The following GOLM2 variants were observed in gnomAD, a reference collection of about 807,000 sequenced individuals.
GOLM2 encodes the protein golgi membrane protein 2, also known as protein GOLM2.
In GOLM2, 26 loss-of-function variants were observed where a neutral mutation model predicts 55.9. That is an observed-to-expected ratio of 0.47 (90% CI 0.34 to 0.65). The LOEUF is 0.65. Ranked by LOEUF, GOLM2 falls within the 30% of genes least tolerant of loss-of-function variation. The pLI, the probability that GOLM2 is intolerant of heterozygous loss-of-function variation, is 0.01. For missense variants in GOLM2, 486 were observed against 531.8 expected, an observed-to-expected ratio of 0.91 and a Z score of 0.85; for synonymous variants, 165 against 194.6, an observed-to-expected ratio of 0.85 and a Z score of 1.27.
chr15:44,318,492 T>C (rs1764344420), intron 1 of GOLM2, among the ~76,000 whole-genome samples: 1 of 152,198 alleles, frequency 6.6e-6, no homozygotes. Flanking sequence ...GTGGATCGCC[T>C]GAAGTCAGGA....
chr15:44,334,828 G>A (rs980020989), intron 4 of GOLM2, among the ~76,000 whole-genome samples: 5 of 152,062 alleles, frequency 3.3e-5, no homozygotes, highest in Admixed American at 2.0e-4. Flanking sequence ...TCAGGAGTTC[G>A]AGACCAACCT....
intron 7 of GOLM2, 84 bp from the exon 8 acceptor site, chr15:44,380,722 C>A: frequency 1.0e-6 from 1 of 983,536 alleles, no homozygotes; most frequent in Middle Eastern, 3.8e-4. Context: ...TGTGTCTTAG[C>A]TTTCTAAAGC....
intron 1 of GOLM2, among the ~76,000 whole-genome samples, chr15:44,305,826 G>C (rs1487935401): frequency 6.6e-6 from 1 of 152,162 alleles, no homozygotes; most frequent in Admixed American, 6.5e-5. Flanking sequence ...GAGATCTTGG[G>C]TGACCAGGGA....
chr15:44,339,334 A>AAATT (rs1159905140), intron 6 of GOLM2, among the ~76,000 whole-genome samples: 1 of 152,190 alleles, frequency 6.6e-6, no homozygotes, highest in South Asian at 2.1e-4. Flanking sequence ...TGATTTTTTA[A>AAATT]AATTAATTAA....
chr15:44,323,012 T>C lies in GOLM2; in HGVS notation c.375T>C (p.His125=), dbSNP rs2078961466. 6.3e-7 allele frequency: 1 copy of C among 1,576,576 alleles called. No homozygotes were observed. Among genetic ancestry groups the C allele is most frequent in the African/African-American group, 1.4e-5 (1 of 72,972 alleles). The change falls in exon 2 of 10, where the codon CAT becomes CAC. Residue 125 remains histidine, a synonymous_variant. Coordinates refer to ENST00000299957, the MANE Select transcript of GOLM2 (RefSeq NM_138423.4). The part of the protein sequence containing the change: ...NISYQMADIH[H]LKEQLAELRQ... ...CGTATCAGATGGCAGACATACATCA[T>C]TTAAAGGGTAAGAACCTTAATTCCA...
chr15:44,378,859 T>G (rs562193039), intron 6 of GOLM2, among the ~76,000 whole-genome samples: 1 of 150,856 alleles, frequency 6.6e-6, no homozygotes, highest in East Asian at 2.0e-4. Context: ...GATTCTCCTA[T>G]CTCAGCCTCC....
chr15:44,347,904 G>A (rs891875752), intron 6 of GOLM2, among the ~76,000 whole-genome samples: 3 of 152,284 alleles, frequency 2.0e-5, no homozygotes, highest in African/African-American at 7.2e-5. Context: ...GTAGAGTTGT[G>A]AGACCCCTAT....
chr15:44,341,315 T>C (rs1240152000), intron 6 of GOLM2, among the ~76,000 whole-genome samples: 1 of 151,938 alleles, frequency 6.6e-6, no homozygotes, highest in East Asian at 1.9e-4. Context: ...CTCCCAACCT[T>C]GTGATCCGCC....
At chr15:44,403,163 T>G (rs2079576952) in intron 9 of GOLM2, 109 bp downstream of exon 9, 2 of 1,321,490 alleles carry the variant, frequency 1.5e-6, no homozygotes, top group East Asian at 2.5e-5. Context: ...GTAACCTAAA[T>G]TTTTTGTTTT....
At chr15:44,400,507 G>C (rs1311634911) in intron 8 of GOLM2, among the ~76,000 whole-genome samples, 2 of 150,062 alleles carry the variant, frequency 1.3e-5, no homozygotes, top group Non-Finnish European at 3.0e-5. Context: ...AGTAGACACA[G>C]GGTTTCTCCA....
intron 4 of GOLM2, among the ~76,000 whole-genome samples, chr15:44,336,794 T>C (rs1455942386): frequency 6.6e-6 from 1 of 151,990 alleles, no homozygotes; most frequent in Non-Finnish European, 1.5e-5. Flanking sequence ...TGGGCACCTG[T>C]AGTCCCAGTT....
At chr15:44,364,121 C>A (rs988366703) in intron 6 of GOLM2, among the ~76,000 whole-genome samples, 5 of 152,062 alleles carry the variant, frequency 3.3e-5, no homozygotes, top group African/African-American at 1.2e-4. Flanking sequence ...TGCCGCGCAC[C>A]AGCATGTCAC....
intron 1 of GOLM2, among the ~76,000 whole-genome samples, chr15:44,297,491 C>T (rs1182469924): frequency 2.0e-5 from 3 of 151,904 alleles, no homozygotes; most frequent in Admixed American, 6.6e-5. Flanking sequence ...TGTTTCTGTG[C>T]CTTTGTTCCT....
chr15:44,401,369 A>G (rs961851507), intron 8 of GOLM2, among the ~76,000 whole-genome samples: 1 of 152,028 alleles, frequency 6.6e-6, no homozygotes, highest in African/African-American at 2.4e-5. Context: ...GGCTTAAGCA[A>G]TCCTTCTACC....
intron 1 of GOLM2, among the ~76,000 whole-genome samples, chr15:44,291,038 G>A (rs1419899389): frequency 1.3e-5 from 2 of 151,560 alleles, no homozygotes; most frequent in Non-Finnish European, 2.9e-5. Flanking sequence ...ACCAACCTCA[G>A]GTGATCCGCC....
intron 1 of GOLM2, among the ~76,000 whole-genome samples, chr15:44,310,931 C>T (rs1226237096): frequency 6.6e-6 from 1 of 152,000 alleles, no homozygotes; most frequent in Non-Finnish European, 1.5e-5. Context: ...GCAGGAGAAT[C>T]GCTTGAACCC....
intron 6 of GOLM2, among the ~76,000 whole-genome samples, chr15:44,367,818 A>G (rs2079296422): frequency 6.6e-6 from 1 of 151,848 alleles, no homozygotes; most frequent in Admixed American, 6.6e-5. Context: ...TGCAGTTCCA[A>G]CTGTCTTCTG....
At chr15:44,400,737 G>A (rs940254347) in intron 8 of GOLM2, among the ~76,000 whole-genome samples, 10 of 151,310 alleles carry the variant, frequency 6.6e-5, no homozygotes, top group East Asian at 1.9e-4. Context: ...CCACCACACC[G>A]GGCTAATTTT....
intron 6 of GOLM2, among the ~76,000 whole-genome samples, chr15:44,353,799 G>A (rs2079180232): frequency 6.6e-6 from 1 of 152,180 alleles, no homozygotes; most frequent in South Asian, 2.1e-4. Context: ...TATTGGGGAA[G>A]GGTAAGGGGG....
Sources: allele counts gnomAD v4.1 joint callset (sites outside exome capture counted in the v4.1 genomes callset), GRCh38; gene constraint gnomAD v4.1.1; transcripts MANE v1.5; gene names NCBI Gene and HGNC (gene_info 2026-07-23, HGNC 2026-07-21).